RBPMS: variants seen among roughly 807,000 people sequenced by gnomAD.
RBPMS encodes RNA binding protein, mRNA processing factor, also known as RNA-binding protein with multiple splicing.
In RBPMS, 7 loss-of-function variants were observed where a neutral mutation model predicts 26.8. That is an observed-to-expected ratio of 0.26 (90% CI 0.15 to 0.49). The LOEUF (loss-of-function observed/expected upper bound fraction) is 0.49, where lower values mean the gene tolerates loss of function less well. Ranked by LOEUF, RBPMS falls within the 20% of genes least tolerant of loss-of-function variation. RBPMS has a pLI of 0.98. For missense variants in RBPMS, 186 were observed against 250.0 expected, an observed-to-expected ratio of 0.74 and a Z score of 1.73; for synonymous variants, 96 against 93.3, an observed-to-expected ratio of 1.03 and a Z score of -0.17.
intron 1 of RBPMS, among the ~76,000 whole-genome samples, chr8:30,456,962 C>T (rs1274028336): frequency 3.9e-5 from 6 of 152,214 alleles, no homozygotes; most frequent in African/African-American, 1.2e-4. Flanking sequence ...ACCTTTGGCA[C>T]AACAGAACTG....
intron 1 of RBPMS, among the ~76,000 whole-genome samples, chr8:30,452,301 A>G (rs1272773557): frequency 6.6e-6 from 1 of 152,198 alleles, no homozygotes; most frequent in Non-Finnish European, 1.5e-5. Context: ...TGAGTAACTC[A>G]TGTTTGATGT....
At chr8:30,549,750 C>G (rs66826970) in intron 6 of RBPMS, among the ~76,000 whole-genome samples, 116 of 76,200 alleles carry the variant, frequency 1.5e-3, no homozygotes, top group Middle Eastern at 9.6e-3. Context: ...TTCTTTCTTT[C>G]CTTTTCTTTT....
At chr8:30,457,855 C>A (rs891446745) in intron 1 of RBPMS, among the ~76,000 whole-genome samples, 1 of 152,106 alleles carries the variant, frequency 6.6e-6, no homozygotes, top group African/African-American at 2.4e-5. Flanking sequence ...GGATTACAGG[C>A]GTGAGCCACC....
At chr8:30,457,646 G>A (rs923141069) in intron 1 of RBPMS, among the ~76,000 whole-genome samples, 9 of 143,720 alleles carry the variant, frequency 6.3e-5, no homozygotes, top group Admixed American at 3.7e-4. Context: ...AGTCTGGAGT[G>A]CAGTGGTGCG....
At chr8:30,423,195 T>C (rs980549266) in intron 1 of RBPMS, among the ~76,000 whole-genome samples, 1 of 152,250 alleles carries the variant, frequency 6.6e-6, no homozygotes, top group Non-Finnish European at 1.5e-5. Context: ...CAGTTCTCTG[T>C]CTACCAGTGT....
At chr8:30,569,438 G>A (rs1404799295) in intron 8 of RBPMS, among the ~76,000 whole-genome samples, 2 of 152,218 alleles carry the variant, frequency 1.3e-5, no homozygotes, top group Non-Finnish European at 2.9e-5. Context: ...CCAGAGGCAT[G>A]AGTTCTGAAA....
At chr8:30,545,539 T>C (rs1825799716) in intron 6 of RBPMS, 10 of 726,218 alleles carry the variant, frequency 1.4e-5, no homozygotes, top group Non-Finnish European at 1.7e-5. Context: ...TAAAAATTAT[T>C]AGGCTGGACA....
chr8:30,457,779 T>G (rs1280940776), intron 1 of RBPMS, among the ~76,000 whole-genome samples: 1 of 152,050 alleles, frequency 6.6e-6, no homozygotes, highest in African/African-American at 2.4e-5. Context: ...GGTTTCACCA[T>G]TTTGGTCAGG....
intron 1 of RBPMS, among the ~76,000 whole-genome samples, chr8:30,470,332 C>G (rs1056202736): frequency 1.3e-5 from 2 of 151,658 alleles, no homozygotes; most frequent in African/African-American, 4.8e-5. Context: ...CTCAGTAAGC[C>G]AAGATCACGC....
chr8:30,443,450 G>C (rs1008930142), intron 1 of RBPMS, among the ~76,000 whole-genome samples: 1 of 152,162 alleles, frequency 6.6e-6, no homozygotes, highest in Non-Finnish European at 1.5e-5. Context: ...TTTTGGACAG[G>C]TTCCTTAACC....
chr8:30,543,671 A>G (rs1339000736), intron 5 of RBPMS, among the ~76,000 whole-genome samples: 1 of 152,128 alleles, frequency 6.6e-6, no homozygotes, highest in African/African-American at 2.4e-5. Context: ...GTTTGCTGTT[A>G]CTTTTAATGG....
intron 7 of RBPMS, chr8:30,565,262 CTT>C (rs1180239088): frequency 6.6e-6 from 1 of 152,222 alleles, no homozygotes. Flanking sequence ...CAGGCTCACT[CTT>C]GATTCCAGAG....
rs190018156 is a variant in RBPMS at position 30,504,245 on chromosome 8, A to C, written c.247-41A>C. 7 of 1,611,558 alleles carry C rather than the reference A, an allele frequency of 4.3e-6. No homozygotes were observed. The Admixed American group carries it at 6.7e-5, about 15-fold the overall frequency. ...TTGTCACCATTCCGGTTTGACTCAA[A>C]GGAAATGAAAACATCTTCCATTTGT... On this transcript the variant is annotated intron_variant, in intron 4 of 8. Coordinates refer to ENST00000397323, the MANE Select transcript of RBPMS (RefSeq NM_001008710.3).
intron 1 of RBPMS, among the ~76,000 whole-genome samples, chr8:30,410,913 A>G (rs1809314222): frequency 6.6e-6 from 1 of 151,852 alleles, no homozygotes; most frequent in Non-Finnish European, 1.5e-5. Context: ...TTTAAAGAAA[A>G]TTTATTTTAA....
chr8:30,521,477 T>G (rs1050151194), intron 5 of RBPMS, among the ~76,000 whole-genome samples: 2 of 152,220 alleles, frequency 1.3e-5, no homozygotes, highest in Admixed American at 1.3e-4. Flanking sequence ...TAGATGAACT[T>G]TGTCAACAAA....
intron 4 of RBPMS, among the ~76,000 whole-genome samples, chr8:30,495,403 T>C (rs1819837664): frequency 6.6e-6 from 1 of 152,024 alleles, no homozygotes. Flanking sequence ...GTGCCCAGAC[T>C]CATGGCCCAG....
chr8:30,422,420 T>G (rs1444206222), intron 1 of RBPMS, among the ~76,000 whole-genome samples: 1 of 152,054 alleles, frequency 6.6e-6, no homozygotes, highest in East Asian at 1.9e-4. Flanking sequence ...GGCCGAAATT[T>G]TCTTAAATAA....
At chr8:30,425,082 A>G (rs1252997706) in intron 1 of RBPMS, among the ~76,000 whole-genome samples, 1 of 151,882 alleles carries the variant, frequency 6.6e-6, no homozygotes, top group Non-Finnish European at 1.5e-5. Flanking sequence ...CAGCCTCCCA[A>G]GTAGCTGGGT....
At chr8:30,427,266 G>C (rs1373787592) in intron 1 of RBPMS, among the ~76,000 whole-genome samples, 4 of 152,192 alleles carry the variant, frequency 2.6e-5, no homozygotes, top group Non-Finnish European at 5.9e-5. Flanking sequence ...CACTTCAGGA[G>C]GTAACTATAA....
Sources: allele counts gnomAD v4.1 joint callset (sites outside exome capture counted in the v4.1 genomes callset), GRCh38; gene constraint gnomAD v4.1.1; transcripts MANE v1.5; gene names NCBI Gene and HGNC (gene_info 2026-07-23, HGNC 2026-07-21).